PLCD3: variants seen among roughly 807,000 people sequenced by gnomAD.
PLCD3 encodes the protein 1-phosphatidylinositol 4,5-bisphosphate phosphodiesterase delta-3.
PLCD3 carries 62 observed loss-of-function variants against 82.8 expected under a neutral mutation model. That is an observed-to-expected ratio of 0.75 (90% confidence interval 0.61 to 0.93). The LOEUF is 0.93. Among genes scored for constraint, PLCD3 ranks in the 40% least tolerant of loss-of-function variants. The pLI is 0.00. For missense variants in PLCD3, 1,023 were observed against 1,103.4 expected (o/e 0.93, Z 1.03); for synonymous variants, 478 against 471.8 (o/e 1.01, Z -0.17).
chr17:45,116,960 T>C lies in PLCD3; in HGVS notation c.1261-176A>G, dbSNP rs2054296601. On this transcript the variant is annotated intron_variant, in intron 7 of 14. Coordinates refer to ENST00000619929, the MANE Select transcript of PLCD3 (RefSeq NM_133373.5). The stretch of plus-strand genomic sequence containing the variant: ...GGCTGCAGGAATTATTTTTTTTTTC[T>C]TTGAGATGGAGTGTTGCTCTGTCGC... Among the ~76,000 whole-genome samples the C allele has an allele frequency of 3.3e-5, 5 of 152,280 alleles. No homozygotes were observed. In the South Asian group the frequency reaches 1.0e-3, roughly 32 times the overall value.
chr17:45,108,977 C>T lies in PLCD3; in HGVS notation c.*3639G>A, dbSNP rs1358585731. On this transcript the variant is annotated 3_prime_UTR_variant, in exon 15 of 15. Coordinates refer to ENST00000619929, the MANE Select transcript of PLCD3 (RefSeq NM_133373.5). The stretch of plus-strand genomic sequence containing the variant: ...AAATGCATTGTTGTTCTGCTCAATA[C>T]ATCTCACTTGTTTCTAATAAAGAAA... The T allele has an allele frequency of 6.6e-6, 1 of 152,634 alleles. No individual in the cohort carries two copies. Among genetic ancestry groups the T allele is most frequent in the East Asian group, 1.9e-4 (1 of 5,192 alleles). 9.5% of individuals were successfully genotyped at this position (152,634 alleles called of 1,614,324 possible).
At chr17:45,125,494 G>C (rs139909043) in intron 1 of PLCD3, among the ~76,000 whole-genome samples, 205 of 152,374 alleles carry the variant, frequency 1.3e-3, no homozygotes, top group African/African-American at 4.6e-3. Flanking sequence ...CTACTAGGGA[G>C]GCTAAGGCAG....
intron 3 of PLCD3, 59 bp downstream of exon 3, chr17:45,120,843 C>T (rs1598032437): frequency 3.6e-6 from 5 of 1,399,430 alleles, no homozygotes; most frequent in Non-Finnish European, 2.8e-6. Context: ...AAGGATGGGG[C>T]TCTCCAAGGT....
In PLCD3 at chr17:45,118,566, C is replaced by T. The variant is rs2054310518; in HGVS notation, c.914-74G>A. ...GTCCAGCTTCCAATGCCCCCAAGGCCCACTCAGCTTAGGAATAATGACTAG... is the reference window on the plus strand; with the variant it reads ...GTCCAGCTTCCAATGCCCCCAAGGCTCACTCAGCTTAGGAATAATGACTAG... On this transcript the variant is annotated intron_variant, in intron 5 of 14. Transcript: ENST00000619929. This position sits in a 1 kb window ranked among gnomAD's most constrained non-coding sequence, Gnocchi z 4.1. 9 of 1,531,446 alleles carry T rather than the reference C, an allele frequency of 5.9e-6. No homozygotes were observed. Among genetic ancestry groups the T allele is most frequent in the Non-Finnish European group, 7.2e-6 (8 of 1,116,194 alleles). 94.9% of individuals were successfully genotyped at this position (1,531,446 alleles called of 1,614,324 possible).
chr17:45,127,284 G>A (rs1012312685), intron 1 of PLCD3, among the ~76,000 whole-genome samples: 1 of 152,174 alleles, frequency 6.6e-6, no homozygotes, highest in South Asian at 2.1e-4. Flanking sequence ...CCAGGACAGC[G>A]GCACCTCCCG....
chr17:45,113,609 T>C lies in PLCD3; in HGVS notation c.1829-4A>G. ...GGCGTCTGGAAGTTCAAGGCCACTGTGGACACAGCAGGGTCAGAGCAGGGG... is the reference window on the plus strand; with the variant it reads ...GGCGTCTGGAAGTTCAAGGCCACTGCGGACACAGCAGGGTCAGAGCAGGGG... On this transcript the variant is annotated splice_region_variant and splice_polypyrimidine_tract_variant and intron_variant, in intron 11 of 14. Transcript: ENST00000619929. The C allele has an allele frequency of 6.4e-7, 1 of 1,554,186 alleles. No individual in the cohort carries two copies. The highest frequency in any genetic ancestry group is 1.2e-5 in the South Asian group (1 of 84,134).
intron 4 of PLCD3, 73 bp from the exon 5 acceptor site, chr17:45,119,116 T>C (rs1446407648): frequency 6.8e-6 from 8 of 1,170,540 alleles, no homozygotes; most frequent in Admixed American, 2.3e-5. Context: ...CCATCTGTCA[T>C]CTACCACATC....
Position 45,112,968 on chromosome 17 carries a change from C to T in PLCD3, c.2176G>A (p.Ala726Thr). 2 of 1,611,710 alleles carry T rather than the reference C, an allele frequency of 1.2e-6. No individual in the cohort carries two copies. The highest frequency in any genetic ancestry group is 1.7e-6 in the Non-Finnish European group (2 of 1,178,662). ...AACCGGACCAGTGCCAGCTCCGGAG[C>T]CCGCAGCTGGAACTGCAGGGTCTGC... ...WGQTLQFQLR[A>T]PELALVRFVV... Residue 726 changes from alanine (A) to threonine (T), a missense_variant, in exon 14 of 15, where the codon GCT becomes ACT. Physicochemically the swap from Ala to Thr is moderately conservative, Grantham distance 58. Coordinates refer to ENST00000619929, the MANE Select transcript of PLCD3 (RefSeq NM_133373.5).
rs1210971657 is a variant in PLCD3 at position 45,109,796 on chromosome 17, G to C, written c.*2820C>G. 1 of 152,498 alleles carries C rather than the reference G, an allele frequency of 6.6e-6. No individual in the cohort carries two copies. Among genetic ancestry groups the C allele is most frequent in the Non-Finnish European group, 1.5e-5 (1 of 68,250 alleles). The allele number at this position is 152,498 out of a possible 1,614,324, so 9.4% of individuals were successfully genotyped here. A position where few individuals can be genotyped will look rare whatever the true frequency, so the allele number is the denominator to read the frequency against. ...TCTGGGATAAAAAGCTGTGATTTCA[G>C]GCTGGGCATGGTGGCTCACGCCTGT... On this transcript the variant is annotated 3_prime_UTR_variant, in exon 15 of 15. Coordinates refer to ENST00000619929, the MANE Select transcript of PLCD3 (RefSeq NM_133373.5).
chr17:45,123,833 T>G (rs1355224275), intron 1 of PLCD3, among the ~76,000 whole-genome samples: 2 of 152,154 alleles, frequency 1.3e-5, no homozygotes, highest in Non-Finnish European at 2.9e-5. Context: ...GGGTCTAGAC[T>G]GTGGCCCTCT....
intron 3 of PLCD3, 105 bp downstream of exon 3, chr17:45,120,797 A>AC: frequency 9.9e-7 from 1 of 1,014,556 alleles, no homozygotes; most frequent in Non-Finnish European, 1.3e-6. Flanking sequence ...CGCCCTCAGG[A>AC]CAGGGCCCTG....
chr17:45,110,370 G>C lies in PLCD3; in HGVS notation c.*2246C>G, dbSNP rs547471055. 1 of 152,198 alleles carries C rather than the reference G, an allele frequency of 6.6e-6. No individual in the cohort carries two copies. The highest frequency in any genetic ancestry group is 1.5e-5 in the Non-Finnish European group (1 of 68,154). 9.4% of individuals were successfully genotyped at this position (152,198 alleles called of 1,614,324 possible). ...GAGGCAAGAGAATCGCTTGAACCCG[G>C]GAGGCAGAGGTTGCAGTGAGCCGAG... On this transcript the variant is annotated 3_prime_UTR_variant, in exon 15 of 15. Coordinates refer to ENST00000619929, the MANE Select transcript of PLCD3 (RefSeq NM_133373.5).
chr17:45,117,176 C>T (rs547892906), intron 7 of PLCD3, among the ~76,000 whole-genome samples: 4 of 152,288 alleles, frequency 2.6e-5, no homozygotes, highest in African/African-American at 9.6e-5. Flanking sequence ...AACTCCTGAC[C>T]TCAGGTGATC....
At position 45,112,661 on chromosome 17, in the gene PLCD3, C is replaced by T. The variant is rs370436896; in HGVS notation, c.2325G>A (p.Leu775=). The change falls in exon 15 of 15, where the codon CTG becomes CTA. Residue 775 remains leucine (L), a synonymous_variant. Coordinates refer to ENST00000619929, the MANE Select transcript of PLCD3 (RefSeq NM_133373.5). Reference sequence around the variant, plus strand: ...TTTGGATGAAGAGCGTGGCTGGTGACAGTGAGGCCCCGTCCTTGGAAAGCA... The same window carrying T: ...TTTGGATGAAGAGCGTGGCTGGTGATAGTGAGGCCCCGTCCTTGGAAAGCA... The part of the protein sequence containing the change: ...IHLLSKDGAS[L]SPATLFIQIR... The T allele has an allele frequency of 1.2e-6, 2 of 1,607,272 alleles. No individual in the cohort carries two copies. The highest frequency in any genetic ancestry group is 1.7e-5 in the Admixed American group (1 of 59,124).
In PLCD3 at chr17:45,127,204, A is replaced by G. The variant is rs868720730; in HGVS notation, c.163+5044T>C. Among the ~76,000 whole-genome samples the G allele has an allele frequency of 2.0e-5, 3 of 152,154 alleles. No homozygotes were observed. In the South Asian group the frequency reaches 6.2e-4, roughly 32 times the overall value. On this transcript the variant is annotated intron_variant, in intron 1 of 14. Transcript: ENST00000619929. The stretch of plus-strand genomic sequence containing the variant: ...AAGTGAGTTAGTGCCCCGGGTGGAA[A>G]GAGGCACCCACGTGTTCTGATCCAT...
intron 1 of PLCD3, among the ~76,000 whole-genome samples, chr17:45,126,446 C>G (rs150922040): frequency 4.7e-5 from 7 of 149,066 alleles, no homozygotes; most frequent in Non-Finnish European, 7.4e-5. Flanking sequence ...CCCCACCTCC[C>G]GGGTTCAAGT....
Position 45,111,857 on chromosome 17 carries a change from C to G in PLCD3, c.*759G>C, listed in dbSNP as rs1393851911. On this transcript the variant is annotated 3_prime_UTR_variant, in exon 15 of 15. Coordinates refer to ENST00000619929, the MANE Select transcript of PLCD3 (RefSeq NM_133373.5). ...CTGGGCAACATAGGGAGACCCCCGC[C>G]CCCCCCGCCATCTCTACATAAAATT... 1.3e-5 allele frequency: 2 copies of G among 152,108 alleles called. No individual in the cohort carries two copies. Among genetic ancestry groups the G allele is most frequent in the Non-Finnish European group, 1.5e-5 (1 of 68,252 alleles). The allele number at this position is 152,108 out of a possible 1,614,324, so 9.4% of individuals were successfully genotyped here. A position where few individuals can be genotyped will look rare whatever the true frequency, so the allele number is the denominator to read the frequency against.
chr17:45,126,611 C>T (rs923914544), intron 1 of PLCD3, among the ~76,000 whole-genome samples: 27 of 151,532 alleles, frequency 1.8e-4, no homozygotes, highest in Admixed American at 2.6e-4. Flanking sequence ...CCTATTTTAC[C>T]ATAATTTTTA....
intron 1 of PLCD3, among the ~76,000 whole-genome samples, chr17:45,127,842 T>C (rs2054393062): frequency 6.6e-6 from 1 of 151,378 alleles, no homozygotes; most frequent in African/African-American, 2.4e-5. Flanking sequence ...ACAGGGTTCA[T>C]GGGTGGAGAG....
Sources: allele counts gnomAD v4.1 joint callset (sites outside exome capture counted in the v4.1 genomes callset), GRCh38; gene constraint gnomAD v4.1.1; non-coding constraint Gnocchi (gnomAD v3.1); transcripts MANE v1.5; gene names NCBI Gene and HGNC (gene_info 2026-07-23, HGNC 2026-07-21).